CSNK1G1: variants seen among roughly 807,000 people sequenced by gnomAD.
CSNK1G1 encodes the protein casein kinase I isoform gamma-1.
Under a neutral mutation model 59.6 loss-of-function variants are expected in CSNK1G1, and 22 were observed. The ratio of observed to expected loss-of-function variants is 0.37; its 90% CI spans 0.26 to 0.53. The LOEUF (loss-of-function observed/expected upper bound fraction) is 0.53, where lower values mean the gene tolerates loss of function less well. CSNK1G1 is among the 20% of genes least tolerant of loss of function. The pLI, the probability that CSNK1G1 is intolerant of heterozygous loss-of-function variation, is 0.89. For missense variants in CSNK1G1, 384 were observed against 519.5 expected, an observed-to-expected ratio of 0.74 and a Z score of 2.54; for synonymous variants, 179 against 177.1, an observed-to-expected ratio of 1.01 and a Z score of -0.08.
chr15:64,325,671 T>C (rs948310953), intron 1 of CSNK1G1, among the ~76,000 whole-genome samples: 23 of 152,082 alleles, frequency 1.5e-4, no homozygotes, highest in Admixed American at 3.3e-4. Context: ...ATTTTTACAG[T>C]AATAAGACAA....
intron 4 of CSNK1G1, among the ~76,000 whole-genome samples, chr15:64,248,914 A>G (rs1176897124): frequency 1.3e-5 from 2 of 152,132 alleles, no homozygotes; most frequent in Non-Finnish European, 2.9e-5. Flanking sequence ...AGGTCAGGAG[A>G]TCGAGACCAT....
intron 1 of CSNK1G1, among the ~76,000 whole-genome samples, chr15:64,335,143 C>T: frequency 6.6e-6 from 1 of 152,140 alleles, no homozygotes; most frequent in South Asian, 2.1e-4. Flanking sequence ...GAAGGGTAGC[C>T]TAATACATGC....
intron 11 of CSNK1G1, among the ~76,000 whole-genome samples, chr15:64,175,284 T>C (rs528493716): frequency 6.6e-6 from 1 of 152,142 alleles, no homozygotes; most frequent in Admixed American, 6.5e-5. Context: ...ATAGTTAGGG[T>C]TCAGAAACCA....
At chr15:64,252,293 C>G (rs1240274342) in intron 3 of CSNK1G1, among the ~76,000 whole-genome samples, 1 of 151,714 alleles carries the variant, frequency 6.6e-6, no homozygotes, top group Non-Finnish European at 1.5e-5. Flanking sequence ...ACACTGCAGT[C>G]AAAACCTCCC....
chr15:64,332,680 A>G (rs1897172764), intron 1 of CSNK1G1, among the ~76,000 whole-genome samples: 1 of 144,854 alleles, frequency 6.9e-6, no homozygotes, highest in Admixed American at 6.9e-5. Context: ...ATAATTAAAA[A>G]TAAAATAAAA....
intron 4 of CSNK1G1, among the ~76,000 whole-genome samples, chr15:64,247,946 T>C (rs1891842785): frequency 6.6e-6 from 1 of 152,172 alleles, no homozygotes; most frequent in African/African-American, 2.4e-5. Context: ...TAAGTCACAA[T>C]GGGCTTTTTG....
chr15:64,212,379 A>G (rs577030637), intron 6 of CSNK1G1, among the ~76,000 whole-genome samples: 72 of 152,330 alleles, frequency 4.7e-4, no homozygotes, highest in Non-Finnish European at 8.4e-4. Context: ...AGTTTACTCA[A>G]TGAGGGAACT....
At chr15:64,228,557 AC>A (rs2082494866) in intron 4 of CSNK1G1, among the ~76,000 whole-genome samples, 1 of 151,794 alleles carries the variant, frequency 6.6e-6, no homozygotes, top group Non-Finnish European at 1.5e-5. Context: ...AATCACTTGA[AC>A]CCCAGAGGCG....
intron 4 of CSNK1G1, 26 bp downstream of exon 4, chr15:64,251,486 A>G (rs762347197): frequency 1.9e-6 from 3 of 1,546,926 alleles, no homozygotes; most frequent in East Asian, 2.3e-5. Context: ...CATACTAAGT[A>G]AGTGGAGAGA....
chr15:64,345,945 C>G (rs1204774370), intron 1 of CSNK1G1, among the ~76,000 whole-genome samples: 1 of 152,110 alleles, frequency 6.6e-6, no homozygotes, highest in Non-Finnish European at 1.5e-5. Context: ...CATGCGCCAC[C>G]ACACCCAGCT....
intron 4 of CSNK1G1, among the ~76,000 whole-genome samples, chr15:64,236,142 C>CAAAAAAAAAAAAAAAAAAAAAAAAAA (rs532663571): frequency 1.5e-5 from 1 of 68,032 alleles, no homozygotes. Context: ...GACTCCATCT[C>CAAAAAAAAAAAAAAAAAAAAAAAAAA]AAAAAAAAAA....
At chr15:64,192,845 A>T (rs1397509139) in intron 10 of CSNK1G1, among the ~76,000 whole-genome samples, 4 of 115,370 alleles carry the variant, frequency 3.5e-5, no homozygotes, top group Non-Finnish European at 5.5e-5. Flanking sequence ...CTGCCTAAAA[A>T]AAAAAAAAAA....
chr15:64,251,060 T>C (rs2140318149), intron 4 of CSNK1G1, among the ~76,000 whole-genome samples: 1 of 152,366 alleles, frequency 6.6e-6, no homozygotes, highest in South Asian at 2.1e-4. Flanking sequence ...TGGATAGCTC[T>C]TGCAAATTAA....
At chr15:64,306,743 A>G (rs1037647264) in intron 1 of CSNK1G1, among the ~76,000 whole-genome samples, 1 of 152,224 alleles carries the variant, frequency 6.6e-6, no homozygotes, top group Non-Finnish European at 1.5e-5. Context: ...TTCCTTCAAT[A>G]GGTGAATGAA....
intron 4 of CSNK1G1, among the ~76,000 whole-genome samples, chr15:64,243,441 A>G (rs921133043): frequency 3.9e-5 from 6 of 152,124 alleles, no homozygotes; most frequent in African/African-American, 1.4e-4. Flanking sequence ...TACAGCTAAC[A>G]TCATTTTAAA....
chr15:64,190,992 T>A lies in CSNK1G1; in HGVS notation c.1108-10538A>T, dbSNP rs529757492. ...CAGACAATGGTAAGCCATTTAATGT[T>A]GAGTTCTATAATACATACTAAATGC... On this transcript the variant is annotated intron_variant, in intron 10 of 11. Transcript: ENST00000303052. 5.3e-5 allele frequency among the ~76,000 whole-genome samples: 8 copies of A among 152,302 alleles called. 1 individual carries two copies. The highest frequency in any genetic ancestry group is 1.7e-4 in the African/African-American group (7 of 41,572).
At chr15:64,299,015 G>T (rs551566643) in intron 2 of CSNK1G1, among the ~76,000 whole-genome samples, 1 of 152,208 alleles carries the variant, frequency 6.6e-6, no homozygotes, top group East Asian at 1.9e-4. Context: ...ACTCCAGCCT[G>T]GGTGACAGAG....
At chr15:64,347,970 C>T (rs1005108178) in intron 1 of CSNK1G1, among the ~76,000 whole-genome samples, 3 of 151,018 alleles carry the variant, frequency 2.0e-5, no homozygotes, top group African/African-American at 7.3e-5. Context: ...CCCGCCACTG[C>T]ACTCCAGCCT....
chr15:64,301,171 C>T (rs910104376), intron 1 of CSNK1G1, among the ~76,000 whole-genome samples: 2 of 152,166 alleles, frequency 1.3e-5, no homozygotes, highest in Non-Finnish European at 2.9e-5. Context: ...TTACCAAGCA[C>T]TAGCAAGAAT....
Sources: allele counts gnomAD v4.1 joint callset (sites outside exome capture counted in the v4.1 genomes callset), GRCh38; gene constraint gnomAD v4.1.1; transcripts MANE v1.5; gene names NCBI Gene and HGNC (gene_info 2026-07-23, HGNC 2026-07-21).